TMEM117: variants seen among roughly 807,000 people sequenced by gnomAD.
TMEM117 encodes transmembrane protein 117.
In TMEM117, 27 loss-of-function variants were observed where a neutral mutation model predicts 52.4. The ratio of observed to expected loss-of-function variants is 0.51; its 90% CI spans 0.38 to 0.71. The LOEUF is 0.71. TMEM117 is among the 30% of genes least tolerant of loss of function. The pLI is 0.00. For synonymous variants in TMEM117, 215 were observed against 206.3 expected, an observed-to-expected ratio of 1.04 and a Z score of -0.36; for missense variants, 556 against 630.5, an observed-to-expected ratio of 0.88 and a Z score of 1.26.
upstream of TMEM117, chr12:43,836,066 G>A (rs1441536451): frequency 6.6e-6 from 1 of 151,748 alleles, no homozygotes; most frequent in African/African-American, 2.4e-5. Flanking sequence ...ATAGCTCCGT[G>A]ACAGCAGCAG....
intron 6 of TMEM117, among the ~76,000 whole-genome samples, chr12:44,360,680 G>A (rs1253363970): frequency 6.6e-6 from 1 of 152,086 alleles, no homozygotes; most frequent in African/African-American, 2.4e-5. Context: ...TGTCAGGCCA[G>A]TGTTTTTCCA....
intron 3 of TMEM117, among the ~76,000 whole-genome samples, chr12:43,990,039 AG>A (rs1945911886): frequency 6.6e-6 from 1 of 152,168 alleles, no homozygotes; most frequent in African/African-American, 2.4e-5. Flanking sequence ...GTAAGATTTA[AG>A]CTAGTACATA....
At chr12:44,090,302 T>G (rs2138040569) in intron 3 of TMEM117, among the ~76,000 whole-genome samples, 1 of 152,200 alleles carries the variant, frequency 6.6e-6, no homozygotes, top group African/African-American at 2.4e-5. Flanking sequence ...CTCTGATAGG[T>G]GGTTTTTCAA....
chr12:44,318,538 G>T (rs1951088812), intron 6 of TMEM117, among the ~76,000 whole-genome samples: 1 of 152,132 alleles, frequency 6.6e-6, no homozygotes, highest in Admixed American at 6.5e-5. Context: ...TCTGCATGGA[G>T]ATTTGCCTGG....
intron 5 of TMEM117, among the ~76,000 whole-genome samples, chr12:44,238,252 G>A (rs1472767777): frequency 3.9e-5 from 6 of 152,202 alleles, no homozygotes; most frequent in Admixed American, 1.3e-4. Context: ...AACCAGTTTC[G>A]TGTGAAGTAT....
intron 3 of TMEM117, among the ~76,000 whole-genome samples, chr12:44,025,114 G>A (rs939264910): frequency 9.9e-5 from 15 of 152,142 alleles, no homozygotes; most frequent in Admixed American, 7.2e-4. Flanking sequence ...CTCCTGTATA[G>A]AATGCAGATT....
chr12:44,371,725 A>T (rs1456727561), intron 6 of TMEM117, among the ~76,000 whole-genome samples: 1 of 152,140 alleles, frequency 6.6e-6, no homozygotes, highest in Admixed American at 6.6e-5. Context: ...ACCCTGAGGC[A>T]TGGGTCTCAA....
intron 3 of TMEM117, among the ~76,000 whole-genome samples, chr12:44,041,069 TC>T (rs1238701514): frequency 6.6e-6 from 1 of 152,176 alleles, no homozygotes; most frequent in East Asian, 1.9e-4. Context: ...TACAGAACAC[TC>T]CAGTGAATGC....
At chr12:44,165,381 ATC>A (rs561005463) in intron 4 of TMEM117, among the ~76,000 whole-genome samples, 23 of 152,238 alleles carry the variant, frequency 1.5e-4, no homozygotes, top group Non-Finnish European at 2.8e-4. Flanking sequence ...GTAAACTTCA[ATC>A]TGTTTACAAA....
intron 3 of TMEM117, among the ~76,000 whole-genome samples, chr12:44,061,493 A>G (rs961843445): frequency 6.6e-6 from 1 of 151,984 alleles, no homozygotes; most frequent in Non-Finnish European, 1.5e-5. Context: ...TATGGTGACT[A>G]GGGATCAAGG....
At chr12:43,848,083 T>G (rs914013017) in intron 2 of TMEM117, among the ~76,000 whole-genome samples, 1 of 151,920 alleles carries the variant, frequency 6.6e-6, no homozygotes, top group African/African-American at 2.4e-5. Context: ...GCAGAAGCAC[T>G]GATAAGGGTC....
intron 5 of TMEM117, among the ~76,000 whole-genome samples, chr12:44,283,866 C>CG (rs1565672013): frequency 6.6e-6 from 1 of 152,038 alleles, no homozygotes; most frequent in African/African-American, 2.4e-5. Context: ...CCACGTGTTG[C>CG]GGGAGAGACT....
chr12:43,806,144 GCCGGTC>G, the TMEM117 span: 383 of 1,531,656 alleles, frequency 2.5e-4, no homozygotes, highest in Admixed American at 1.2e-3. Flanking sequence ...CTCCAGCCCT[GCCGGTC>G]CTGCAGCCCT....
intron 3 of TMEM117, among the ~76,000 whole-genome samples, chr12:44,049,146 A>G (rs1381213830): frequency 6.6e-6 from 1 of 152,202 alleles, no homozygotes; most frequent in East Asian, 1.9e-4. Context: ...TTACATTAGC[A>G]AAGTCACAGA....
At chr12:43,852,743 G>A (rs562762747) in intron 2 of TMEM117, among the ~76,000 whole-genome samples, 1 of 152,322 alleles carries the variant, frequency 6.6e-6, no homozygotes, top group South Asian at 2.1e-4. Context: ...AGAACATCAA[G>A]ACTGTAATAA....
chr12:43,797,527 C>A, the TMEM117 span: 1 of 1,381,346 alleles, frequency 7.2e-7, no homozygotes, highest in Non-Finnish European at 9.8e-7. Context: ...AATAAAAAGA[C>A]CAAGAGATAA....
At chr12:43,798,614 A>C in the TMEM117 span, 1 of 1,503,976 alleles carries the variant, frequency 6.6e-7, no homozygotes, top group South Asian at 1.3e-5. Context: ...ACAAACTATC[A>C]AACTCGTAAA....
chr12:44,360,704 C>G (rs1284037626), intron 6 of TMEM117, among the ~76,000 whole-genome samples: 2 of 152,046 alleles, frequency 1.3e-5, no homozygotes, highest in Non-Finnish European at 2.9e-5. Flanking sequence ...GGCAATCAAT[C>G]TAAATGATGT....
intron 4 of TMEM117, among the ~76,000 whole-genome samples, chr12:44,173,015 G>A (rs906169380): frequency 2.6e-5 from 4 of 152,190 alleles, no homozygotes; most frequent in East Asian, 3.9e-4. Context: ...GTGGGCCACC[G>A]CGCCCGGCCG....
Sources: gnomAD v4.1 joint callset for allele counts (sites outside exome capture counted in the v4.1 genomes callset) on GRCh38, gnomAD v4.1.1 for gene constraint, MANE v1.5 for transcripts, NCBI Gene and HGNC (gene_info 2026-07-23, HGNC 2026-07-21) for gene names.